The following C2orf92 variants were observed in gnomAD, a reference collection of about 807,000 sequenced individuals.
The protein encoded by C2orf92 is chromosome 2 open reading frame 92.
At chr2:97,681,088 CAG>C (rs1675756024) in intron 3 of C2orf92, among the ~76,000 whole-genome samples, 1 of 110,860 alleles carries the variant, frequency 9.0e-6, no homozygotes, top group Non-Finnish European at 1.6e-5. Flanking sequence ...GCACAGGAGA[CAG>C]AGCGAGACTC....
chr2:97,699,566 T>C (rs1375859042), intron 6 of C2orf92, among the ~76,000 whole-genome samples: 2 of 152,042 alleles, frequency 1.3e-5, no homozygotes, highest in South Asian at 2.1e-4. Context: ...GATTGCACCA[T>C]TGCACTCCAG....
At chr2:97,680,155 T>G (rs935145769) in intron 3 of C2orf92, among the ~76,000 whole-genome samples, 1 of 151,850 alleles carries the variant, frequency 6.6e-6, no homozygotes, top group African/African-American at 2.4e-5. Context: ...AAAAATTAGC[T>G]GAGCGTGATG....
At chr2:97,687,344 G>T (rs1158401444) in intron 3 of C2orf92, among the ~76,000 whole-genome samples, 1 of 152,198 alleles carries the variant, frequency 6.6e-6, no homozygotes, top group Non-Finnish European at 1.5e-5. Flanking sequence ...TTCAGCTTGG[G>T]TGACACAGCG....
intron 3 of C2orf92, among the ~76,000 whole-genome samples, chr2:97,680,799 A>G (rs932598192): frequency 2.0e-5 from 3 of 151,986 alleles, no homozygotes; most frequent in African/African-American, 7.3e-5. Flanking sequence ...GGTGGTGGGC[A>G]CCTGTAGTCC....
At chr2:97,665,583 C>G (rs903263626), upstream of C2orf92, among the ~76,000 whole-genome samples, 1 of 151,754 alleles carries the variant, frequency 6.6e-6, no homozygotes, top group African/African-American at 2.4e-5. Context: ...TATGTAAAAA[C>G]TAAGCTATGT....
intron 3 of C2orf92, chr2:97,677,541 A>T (rs116286030): frequency 6.6e-6 from 1 of 152,372 alleles, no homozygotes; most frequent in African/African-American, 2.4e-5. Flanking sequence ...AGTTACAAAA[A>T]GATGGCTTCA....
intron 5 of C2orf92, among the ~76,000 whole-genome samples, chr2:97,692,407 CTTTTTTT>C (rs755849117): frequency 8.4e-6 from 1 of 119,382 alleles, no homozygotes; most frequent in Non-Finnish European, 1.7e-5. Flanking sequence ...AGTTTTACTT[CTTTTTTT>C]TTTTTTTTTT....
rs966012730 is a variant in C2orf92, at chr2:97,690,263, C to T, written c.339C>T (p.Ser113=). The T allele has an allele frequency of 2.5e-5, 10 of 398,886 alleles. No individual in the cohort carries two copies. The highest frequency in any genetic ancestry group is 1.9e-4 in the African/African-American group (9 of 48,618). 24.7% of individuals were successfully genotyped at this position (398,886 alleles called of 1,614,324 possible). A position where few individuals can be genotyped will look rare whatever the true frequency, so the allele number is the denominator to read the frequency against. The part of the protein sequence containing the change: ...ITKTDMRKGT[S]IAWNSPKPEY... ...TCATGTGTCTTATCAAAGGAACCAGCATTGCTTGGAATTCTCCTAAACCAG... is the reference window on the plus strand; with the variant it reads ...TCATGTGTCTTATCAAAGGAACCAGTATTGCTTGGAATTCTCCTAAACCAG... The change falls in exon 5 of 8, where the codon AGC becomes AGT. Residue 113 remains serine (S), a synonymous_variant. Coordinates refer to ENST00000627399, the MANE Select transcript of C2orf92 (RefSeq NM_001351368.2).
chr2:97,672,989 A>G (rs545790977), intron 1 of C2orf92, among the ~76,000 whole-genome samples: 19 of 152,152 alleles, frequency 1.2e-4, no homozygotes, highest in African/African-American at 2.9e-4. Context: ...GAAGCCAGAA[A>G]CCTGAGAACT....
intron 3 of C2orf92, among the ~76,000 whole-genome samples, chr2:97,679,599 T>C (rs1675694503): frequency 6.6e-6 from 1 of 151,926 alleles, no homozygotes; most frequent in South Asian, 2.1e-4. Context: ...CCCAGCCATT[T>C]GGGAGGCTGA....
At chr2:97,674,084 G>A (rs1675498277) in intron 1 of C2orf92, 1 of 175,214 alleles carries the variant, frequency 5.7e-6, no homozygotes, top group African/African-American at 2.4e-5. Flanking sequence ...AGCAATCTGG[G>A]GGAGGCCACT....
At chr2:97,669,299 CA>C (rs1675332590), upstream of C2orf92, 1 of 152,174 alleles carries the variant, frequency 6.6e-6, no homozygotes, top group Non-Finnish European at 1.5e-5. Context: ...GGGCTTTCAC[CA>C]TGTTGGCCAG....
upstream of C2orf92, among the ~76,000 whole-genome samples, chr2:97,665,496 G>A (rs1003220741): frequency 5.9e-5 from 9 of 152,106 alleles, no homozygotes; most frequent in Non-Finnish European, 1.2e-4. Flanking sequence ...CTCAGTTACA[G>A]AGTAGGCCAT....
intron 3 of C2orf92, 52 bp downstream of exon 3, chr2:97,675,980 G>A: frequency 2.5e-6 from 1 of 398,582 alleles, no homozygotes; most frequent in Non-Finnish European, 4.4e-6. Flanking sequence ...AGAGTTGCAT[G>A]CTTGTCCCTG....
intron 1 of C2orf92, among the ~76,000 whole-genome samples, chr2:97,673,042 T>A (rs1231783324): frequency 1.3e-5 from 2 of 152,210 alleles, no homozygotes; most frequent in Non-Finnish European, 1.5e-5. Context: ...AATGTAACCC[T>A]TGTGAATTAG....
chr2:97,680,926 A>G (rs1237538913), intron 3 of C2orf92, among the ~76,000 whole-genome samples: 1 of 149,988 alleles, frequency 6.7e-6, no homozygotes, highest in African/African-American at 2.5e-5. Context: ...ACTCCGTCTC[A>G]AAAAAAAACA....
At chr2:97,674,625 C>T (rs1162914298) in intron 2 of C2orf92, 68 bp downstream of exon 2, 10 of 397,642 alleles carry the variant, frequency 2.5e-5, no homozygotes, top group South Asian at 1.3e-4. Flanking sequence ...CTCAAATATG[C>T]GATGCTAGCA....
upstream of C2orf92, chr2:97,665,808 C>T (rs915151365): frequency 6.8e-6 from 1 of 147,924 alleles, no homozygotes; most frequent in Non-Finnish European, 1.5e-5. Context: ...GACAGGGTCT[C>T]ACCTTGTTGC....
At position 97,690,210 on chromosome 2, in the gene C2orf92, G is replaced by A. The variant is rs1573221171; in HGVS notation, c.332-46G>A. On this transcript the variant is annotated intron_variant, in intron 4 of 7. Coordinates refer to ENST00000627399, the MANE Select transcript of C2orf92 (RefSeq NM_001351368.2). ...AAGGTGCTTGCAAATGTGTACTGAT[G>A]AATACCCTTTTTCTTATTGTTTTTT... is the stretch of plus-strand genomic sequence containing the variant. 5 of 398,016 alleles carry A rather than the reference G, an allele frequency of 1.3e-5. No homozygotes were observed. The East Asian group carries it at 1.8e-4, about 14-fold the overall frequency. 24.7% of individuals were successfully genotyped at this position (398,016 alleles called of 1,614,324 possible). A position where few individuals can be genotyped will look rare whatever the true frequency, so the allele number is the denominator to read the frequency against.
Sources: gnomAD v4.1 joint callset for allele counts (sites outside exome capture counted in the v4.1 genomes callset) on GRCh38, gnomAD v4.1.1 for gene constraint, MANE v1.5 for transcripts, NCBI Gene and HGNC (gene_info 2026-07-23, HGNC 2026-07-21) for gene names.